The following FMO3 variants were observed in gnomAD, a reference collection of about 807,000 sequenced individuals.
The protein encoded by FMO3 is flavin containing dimethylaniline monoxygenase 3, also known as flavin-containing monooxygenase 3.
FMO3 carries 40 observed loss-of-function variants against 39.4 expected under a neutral mutation model. The observed-to-expected ratio is 1.02, with a 90% CI of 0.79 to 1.32. FMO3 has a LOEUF of 1.32. Among genes scored for constraint, FMO3 ranks in the 40% most tolerant of loss-of-function variants. The probability of loss-of-function intolerance (pLI) is 0.00; values close to 1 mark genes in which losing one functional copy is unlikely to be tolerated. For synonymous variants in FMO3, 219 were observed against 228.8 expected (o/e 0.96, Z 0.39); for missense variants, 680 against 651.8 (o/e 1.04, Z -0.47).
chr1:171,099,121 G>C (rs1350656738), intron 2 of FMO3, among the ~76,000 whole-genome samples: 1 of 152,122 alleles, frequency 6.6e-6, no homozygotes, highest in Non-Finnish European at 1.5e-5. Context: ...TGGTTTCAAA[G>C]AACATCTTTA....
intron 3 of FMO3, among the ~76,000 whole-genome samples, chr1:171,105,679 A>G (rs1013817279): frequency 1.3e-5 from 2 of 152,152 alleles, no homozygotes; most frequent in Non-Finnish European, 2.9e-5. Flanking sequence ...CTAAGTATGC[A>G]AGAGTATTTT....
chr1:171,098,062 T>G (rs1171887934), intron 2 of FMO3, among the ~76,000 whole-genome samples: 11 of 152,194 alleles, frequency 7.2e-5, no homozygotes, highest in Non-Finnish European at 1.6e-4. Context: ...TTTCCCCATT[T>G]CTTGTTTTTG....
At chr1:171,092,889 T>A in intron 2 of FMO3, 99 bp downstream of exon 2, 3 of 1,258,760 alleles carry the variant, frequency 2.4e-6, no homozygotes, top group Non-Finnish European at 3.4e-6. Flanking sequence ...ACCATGGCAG[T>A]TATCATATCT....
In FMO3 at chr1:171,096,134, T is replaced by C. The variant is rs867862755; in HGVS notation, c.132+3344T>C. ...TTATTATATATTAATAATATAGTAA[T>C]TATTATATATTGATATGAATATATA... On this transcript the variant is annotated intron_variant, in intron 2 of 8. Coordinates refer to ENST00000367755, the MANE Select transcript of FMO3 (RefSeq NM_001002294.3). 1.1e-3 allele frequency among the ~76,000 whole-genome samples: 76 copies of C among 70,586 alleles called. 1 individual carries two copies. Among genetic ancestry groups the C allele is most frequent in the African/African-American group, 4.1e-3 (76 of 18,524 alleles). 46.3% of individuals were successfully genotyped at this position (70,586 alleles called of 152,430 possible).
At chr1:171,096,425 A>AATTAC (rs1557934074) in intron 2 of FMO3, among the ~76,000 whole-genome samples, 5 of 103,166 alleles carry the variant, frequency 4.8e-5, no homozygotes, top group East Asian at 6.3e-4. Flanking sequence ...TGTTATATAT[A>AATTAC]ATATATATTA....
chr1:171,095,879 T>TGTATA, intron 2 of FMO3, among the ~76,000 whole-genome samples: 1 of 88,734 alleles, frequency 1.1e-5, no homozygotes, highest in Non-Finnish European at 2.1e-5. Flanking sequence ...ATATAAAATA[T>TGTATA]AATTATATTA....
At chr1:171,095,902 A>C (rs1156550578) in intron 2 of FMO3, among the ~76,000 whole-genome samples, 1 of 1,194 alleles carries the variant, frequency 8.4e-4, no homozygotes, top group Non-Finnish European at 1.8e-3. Context: ...TATAATTATA[A>C]TATGTATAAA....
At chr1:171,101,466 T>A (rs781150176) in intron 2 of FMO3, among the ~76,000 whole-genome samples, 3 of 152,218 alleles carry the variant, frequency 2.0e-5, no homozygotes, top group Non-Finnish European at 4.4e-5. Flanking sequence ...GTATTCACAT[T>A]ATAAGATTGT....
chr1:171,092,892 T>C (rs1198639529), intron 2 of FMO3, 102 bp downstream of exon 2: 11 of 1,243,862 alleles, frequency 8.8e-6, no homozygotes, highest in Non-Finnish European at 1.2e-5. Context: ...ATGGCAGTTA[T>C]CATATCTGTT....
chr1:171,108,581 A>G (rs1655756542), intron 5 of FMO3, among the ~76,000 whole-genome samples: 1 of 152,184 alleles, frequency 6.6e-6, no homozygotes, highest in Non-Finnish European at 1.5e-5. Context: ...ATGGTAAAAC[A>G]GATAAAAATA....
intron 3 of FMO3, among the ~76,000 whole-genome samples, 181 bp from the exon 4 acceptor site, chr1:171,107,494 G>A (rs1655695884): frequency 6.6e-6 from 1 of 152,218 alleles, no homozygotes; most frequent in Admixed American, 6.5e-5. Context: ...AAGAAATCAT[G>A]CAGGGACAAA....
intron 5 of FMO3, among the ~76,000 whole-genome samples, chr1:171,110,293 A>G (rs921327092): frequency 6.6e-6 from 1 of 152,174 alleles, no homozygotes. Flanking sequence ...GTAGACAGCA[A>G]TAGTTAGATA....
At chr1:171,109,196 GA>G in intron 5 of FMO3, among the ~76,000 whole-genome samples, 1 of 152,216 alleles carries the variant, frequency 6.6e-6, no homozygotes, top group East Asian at 1.9e-4. Context: ...AAGTCATTGA[GA>G]AAATTAATGT....
chr1:171,095,431 C>G (rs1330089208), intron 2 of FMO3, among the ~76,000 whole-genome samples: 1 of 152,076 alleles, frequency 6.6e-6, no homozygotes, highest in African/African-American at 2.4e-5. Flanking sequence ...TCAATCAGTA[C>G]AGTCTTCCAG....
intron 5 of FMO3, among the ~76,000 whole-genome samples, chr1:171,108,838 C>G (rs540221426): frequency 6.6e-6 from 1 of 152,070 alleles, no homozygotes; most frequent in Non-Finnish European, 1.5e-5. Flanking sequence ...GATTCAGGCA[C>G]TAAATGCTAT....
intron 2 of FMO3, chr1:171,101,156 C>G (rs935854948): frequency 1.3e-5 from 6 of 456,098 alleles, no homozygotes; most frequent in Non-Finnish European, 2.2e-5. Context: ...CACCAGAAGC[C>G]AGAAGCGGCA....
At chr1:171,092,510 C>A (rs1423046907) in intron 1 of FMO3, 143 bp from the exon 2 acceptor site, 1 of 912,362 alleles carries the variant, frequency 1.1e-6, no homozygotes, top group Non-Finnish European at 1.7e-6. Flanking sequence ...GGATTACAGG[C>A]GTGAGCTACC....
At chr1:171,096,205 A>G (rs1428662486) in intron 2 of FMO3, among the ~76,000 whole-genome samples, 1 of 85,788 alleles carries the variant, frequency 1.2e-5, no homozygotes, top group Non-Finnish European at 1.9e-5. Flanking sequence ...TTATATCAAT[A>G]TAATATTTAT....
rs1164802930 is a variant in FMO3 at position 171,114,310 on chromosome 1, T to G, written c.1131T>G (p.Ala377=). ...TTGGCTTTGTCCAGTCCCTTGGGGC[T>G]GCCATTCCCACAGTTGACCTCCAGT... The part of the protein sequence containing the change: ...AVIGFVQSLG[A]AIPTVDLQSR... The change falls in exon 7 of 9, where the codon GCT becomes GCG. Residue 377 remains alanine (A), a synonymous_variant. Coordinates refer to ENST00000367755, the MANE Select transcript of FMO3 (RefSeq NM_001002294.3). 6.8e-6 allele frequency: 11 copies of G among 1,613,838 alleles called. No individual in the cohort carries two copies. In the East Asian group the frequency reaches 2.2e-4, roughly 33 times the overall value.
Sources: allele counts gnomAD v4.1 joint callset (sites outside exome capture counted in the v4.1 genomes callset), GRCh38; gene constraint gnomAD v4.1.1; transcripts MANE v1.5; gene names NCBI Gene and HGNC (gene_info 2026-07-23, HGNC 2026-07-21).